Variants in MAP4K3 observed in about 807,000 individuals in gnomAD.
MAP4K3 encodes the protein mitogen-activated protein kinase kinase kinase kinase 3.
MAP4K3 carries 94 observed loss-of-function variants against 143.5 expected under a neutral mutation model. The ratio of observed to expected loss-of-function variants is 0.65; its 90% CI spans 0.55 to 0.78. The LOEUF (loss-of-function observed/expected upper bound fraction) is 0.78. Ranked by LOEUF, MAP4K3 falls within the 30% of genes least tolerant of loss-of-function variation. The probability of loss-of-function intolerance (pLI) is 0.00; values close to 1 mark genes in which losing one functional copy is unlikely to be tolerated. For missense variants in MAP4K3, 1,077 were observed against 1,068.1 expected (o/e 1.01, Z -0.12); for synonymous variants, 416 against 347.2 (o/e 1.20, Z -2.20).
chr2:39,375,278 C>A (rs894764283), intron 2 of MAP4K3, among the ~76,000 whole-genome samples: 3 of 152,070 alleles, frequency 2.0e-5, no homozygotes, highest in Non-Finnish European at 4.4e-5. Context: ...CACCCCTCTA[C>A]CTTAGAAAAA....
At chr2:39,318,198 G>C (rs998009767) in intron 12 of MAP4K3, among the ~76,000 whole-genome samples, 3 of 152,096 alleles carry the variant, frequency 2.0e-5, no homozygotes, top group African/African-American at 7.2e-5. Flanking sequence ...TAAACACTGA[G>C]TACACATGGA....
intron 15 of MAP4K3, among the ~76,000 whole-genome samples, chr2:39,306,072 C>G (rs1558636091): frequency 6.6e-6 from 1 of 152,110 alleles, no homozygotes; most frequent in Non-Finnish European, 1.5e-5. Flanking sequence ...TCATGATCTG[C>G]CCGCCTTGGC....
chr2:39,272,404 T>C lies in MAP4K3; in HGVS notation c.1856-4A>G, dbSNP rs1361810788. The stretch of plus-strand genomic sequence containing the variant: ...GAATAAAGCTGAGAAGCTTTACCTA[T>C]AAAGAAAAACAGATATGACATAAAA... On this transcript the variant is annotated splice_polypyrimidine_tract_variant and splice_region_variant and intron_variant, in intron 25 of 33. Transcript: ENST00000263881. The C allele has an allele frequency of 3.1e-6, 5 of 1,609,530 alleles. No homozygotes were observed. In the Admixed American group the frequency reaches 5.0e-5, roughly 16 times the overall value.
intron 12 of MAP4K3, among the ~76,000 whole-genome samples, chr2:39,320,160 T>C (rs925202620): frequency 3.3e-5 from 5 of 152,162 alleles, no homozygotes; most frequent in Non-Finnish European, 2.9e-5. Flanking sequence ...CCCCAGTGAA[T>C]GTTCATCGAG....
intron 3 of MAP4K3, among the ~76,000 whole-genome samples, chr2:39,355,900 C>T (rs1181103330): frequency 6.6e-6 from 1 of 152,134 alleles, no homozygotes; most frequent in African/African-American, 2.4e-5. Flanking sequence ...TTGATAAACA[C>T]ATAGCTGGAA....
chr2:39,311,862 T>C (rs1329980108), intron 13 of MAP4K3, among the ~76,000 whole-genome samples: 1 of 152,174 alleles, frequency 6.6e-6, no homozygotes, highest in Non-Finnish European at 1.5e-5. Context: ...TTGTTTAATA[T>C]GAGCAGATAT....
intron 2 of MAP4K3, among the ~76,000 whole-genome samples, chr2:39,372,049 T>G (rs1239332914): frequency 6.6e-6 from 1 of 151,602 alleles, no homozygotes; most frequent in Non-Finnish European, 1.5e-5. Context: ...ATCTAAAGAC[T>G]CCACCAAAAA....
intron 15 of MAP4K3, among the ~76,000 whole-genome samples, chr2:39,304,854 C>T (rs1682641360): frequency 6.6e-6 from 1 of 152,138 alleles, no homozygotes; most frequent in African/African-American, 2.4e-5. Flanking sequence ...TATTTACATG[C>T]AATGGAGTAT....
intron 1 of MAP4K3, among the ~76,000 whole-genome samples, chr2:39,406,783 G>T (rs1392230415): frequency 2.0e-5 from 3 of 152,140 alleles, no homozygotes; most frequent in African/African-American, 7.2e-5. Context: ...GAAATCATCT[G>T]AAGGTATAAA....
rs144849524 is a variant in MAP4K3 at position 39,416,231 on chromosome 2, C to CT, written c.96+20660dup. 6.1e-3 allele frequency among the ~76,000 whole-genome samples: 922 copies of CT among 151,784 alleles called. 13 individuals carry two copies. The highest frequency in any genetic ancestry group is 0.021 in the African/African-American group (863 of 41,374). ...AAACAAAACTTCAGAATAACTAAGC[C>CT]TTCTACATGAGCTTACCAATGAAAC... On this transcript the variant is annotated intron_variant, in intron 1 of 33. Coordinates refer to ENST00000263881, the MANE Select transcript of MAP4K3 (RefSeq NM_003618.4).
intron 3 of MAP4K3, among the ~76,000 whole-genome samples, chr2:39,349,477 C>A (rs552073210): frequency 2.6e-5 from 4 of 152,244 alleles, no homozygotes; most frequent in Admixed American, 6.5e-5. Flanking sequence ...GAACATCAAT[C>A]CTACATGAAG....
intron 20 of MAP4K3, among the ~76,000 whole-genome samples, chr2:39,287,426 T>A (rs968561556): frequency 6.6e-6 from 1 of 151,646 alleles, no homozygotes; most frequent in Non-Finnish European, 1.5e-5. Flanking sequence ...GTCTCCCAAG[T>A]AGCTGGGATT....
At chr2:39,277,375 C>T (rs1315942200) in intron 24 of MAP4K3, among the ~76,000 whole-genome samples, 2 of 152,216 alleles carry the variant, frequency 1.3e-5, no homozygotes, top group South Asian at 2.1e-4. Flanking sequence ...TACTCATCTC[C>T]CCACAGGAGG....
chr2:39,264,784 T>C (rs564789028), intron 28 of MAP4K3, among the ~76,000 whole-genome samples: 1 of 152,332 alleles, frequency 6.6e-6, no homozygotes, highest in South Asian at 2.1e-4. Context: ...GGTAAATTAA[T>C]GGGTGGGTAT....
At chr2:39,436,510 G>A (rs764769781) in intron 1 of MAP4K3, 50 of 196,728 alleles carry the variant, frequency 2.5e-4, no homozygotes, top group Non-Finnish European at 4.5e-4. Context: ...GAAGCAGGCA[G>A]GTTTGACAAC....
intron 8 of MAP4K3, 91 bp downstream of exon 8, chr2:39,331,826 G>T: frequency 1.3e-6 from 1 of 771,038 alleles, no homozygotes; most frequent in African/African-American, 1.7e-5. Context: ...CTTAATCTTA[G>T]TCTGAAAAAT....
chr2:39,399,188 G>T (rs977679760), intron 1 of MAP4K3, among the ~76,000 whole-genome samples: 2 of 151,930 alleles, frequency 1.3e-5, no homozygotes. Context: ...GTTGTACTAT[G>T]TAACAAAAAG....
Position 39,382,400 on chromosome 2 carries a change from G to A in MAP4K3, c.97-4277C>T, listed in dbSNP as rs575087780. On this transcript the variant is annotated intron_variant, in intron 1 of 33. Transcript: ENST00000263881. ...ATGTCCGATGTGAATATGAATACAA[G>A]TTCTGAGTGAGAGTTAACAACGTTT... Among the ~76,000 whole-genome samples the A allele has an allele frequency of 2.6e-5, 4 of 152,350 alleles. No individual in the cohort carries two copies. In the South Asian group the frequency reaches 8.3e-4, roughly 32 times the overall value.
chr2:39,254,372 G>A (rs1036758376), intron 32 of MAP4K3, 78 bp downstream of exon 32: 13 of 1,130,506 alleles, frequency 1.1e-5, no homozygotes, highest in East Asian at 7.0e-5. Flanking sequence ...AGCATTACTT[G>A]TATCATTTAG....
Sources: gnomAD v4.1 joint callset for allele counts (sites outside exome capture counted in the v4.1 genomes callset) on GRCh38, gnomAD v4.1.1 for gene constraint, MANE v1.5 for transcripts, NCBI Gene and HGNC (gene_info 2026-07-23, HGNC 2026-07-21) for gene names.